The following ADAMTS3 variants were observed in gnomAD, a reference collection of about 807,000 sequenced individuals.
ADAMTS3 encodes the protein A disintegrin and metalloproteinase with thrombospondin motifs 3.
Under a neutral mutation model 129.0 loss-of-function variants are expected in ADAMTS3, and 73 were observed. That is an observed-to-expected ratio of 0.57 (90% CI 0.47 to 0.69). The LOEUF is 0.69. Among genes scored for constraint, ADAMTS3 ranks in the 30% least tolerant of loss-of-function variants. ADAMTS3 has a pLI of 0.00. For missense variants in ADAMTS3, 1,457 were observed against 1,514.5 expected, an observed-to-expected ratio of 0.96 and a Z score of 0.63; for synonymous variants, 477 against 510.8, an observed-to-expected ratio of 0.93 and a Z score of 0.89.
At chr4:72,421,351 G>C (rs1003780677) in intron 3 of ADAMTS3, among the ~76,000 whole-genome samples, 2 of 152,290 alleles carry the variant, frequency 1.3e-5, no homozygotes, top group Non-Finnish European at 2.9e-5. Context: ...CATGGGCATG[G>C]GCTTTGCCAT....
rs1393582699 is a variant in ADAMTS3, at chr4:72,281,719, C to G, written c.*1417G>C. The G allele has an allele frequency of 6.6e-6, 1 of 151,992 alleles. No individual in the cohort carries two copies. Among genetic ancestry groups the G allele is most frequent in the Non-Finnish European group, 1.5e-5 (1 of 67,998 alleles). The allele number at this position is 151,992 out of a possible 1,614,324, so 9.4% of individuals were successfully genotyped here. A position where few individuals can be genotyped will look rare whatever the true frequency, so the allele number is the denominator to read the frequency against. On this transcript the variant is annotated 3_prime_UTR_variant, in exon 22 of 22. Transcript: ENST00000286657. ...TAGTTTGCTTAAAGGTCTCTATGCA[C>G]AGAACAAAGCATGCATCTCTAATTA...
chr4:72,379,973 T>C (rs1391969146), intron 4 of ADAMTS3, among the ~76,000 whole-genome samples: 2 of 152,136 alleles, frequency 1.3e-5, no homozygotes, highest in Admixed American at 1.3e-4. Flanking sequence ...ATTCATCATA[T>C]ACATTCTGTA....
At chr4:72,484,681 C>T (rs1719531664) in intron 3 of ADAMTS3, among the ~76,000 whole-genome samples, 1 of 152,150 alleles carries the variant, frequency 6.6e-6, no homozygotes, top group South Asian at 2.1e-4. Flanking sequence ...ACTAGAAACT[C>T]CCATGGATGG....
intron 3 of ADAMTS3, among the ~76,000 whole-genome samples, chr4:72,528,606 A>G (rs550160787): frequency 1.3e-5 from 2 of 152,108 alleles, no homozygotes; most frequent in Admixed American, 6.6e-5. Context: ...AGAGGAAAAA[A>G]GAACTTATGC....
At chr4:72,373,940 ATAATAATAATAG>A (rs1217554056) in intron 4 of ADAMTS3, among the ~76,000 whole-genome samples, 6 of 98,562 alleles carry the variant, frequency 6.1e-5, no homozygotes, top group Admixed American at 1.2e-4. Flanking sequence ...AATAATAATA[ATAATAATAATAG>A]GAAAGTATCT....
chr4:72,283,762 G>T, intron 21 of ADAMTS3, 58 bp from the exon 22 acceptor site: 1 of 1,399,848 alleles, frequency 7.1e-7, no homozygotes, highest in Non-Finnish European at 9.4e-7. Flanking sequence ...AATAAAAGGA[G>T]GAAAAAAATT....
At position 72,312,309 on chromosome 4, in the gene ADAMTS3, G is replaced by A. The variant is rs745894206; in HGVS notation, c.1903C>T (p.Pro635Ser). 3 of 1,613,472 alleles carry A rather than the reference G, an allele frequency of 1.9e-6. No homozygotes were observed. The Admixed American group carries it at 5.0e-5, about 27-fold the overall frequency. The change falls in exon 13 of 22, where the codon CCA becomes TCA. Residue 635 changes from proline (P) to serine (S), a missense_variant. Transcript: ENST00000286657. Reference protein sequence around the residue: ...EYQNTKHHWLPYEHPDPKKRC... With the variant: ...EYQNTKHHWLSYEHPDPKKRC... Reference sequence around the variant, plus strand: ...TACTCACGGTCAGGATGTTCATATGGCAACCAGTGGTGTTTGGTATTCTGG... The same window carrying A: ...TACTCACGGTCAGGATGTTCATATGACAACCAGTGGTGTTTGGTATTCTGG...
At chr4:72,371,214 T>A (rs1303372870) in intron 4 of ADAMTS3, among the ~76,000 whole-genome samples, 3 of 152,162 alleles carry the variant, frequency 2.0e-5, no homozygotes, top group Non-Finnish European at 4.4e-5. Flanking sequence ...AAATTCTGTG[T>A]TTTTAGTCAC....
rs572900491 is a variant in ADAMTS3, at chr4:72,489,906, T to G, written c.504+58572A>C. Among the ~76,000 whole-genome samples the G allele has an allele frequency of 4.6e-5, 7 of 151,946 alleles. No homozygotes were observed. The South Asian group carries it at 1.5e-3, about 32-fold the overall frequency. ...CCCAAAAGTAGATCGCTGGAATATATGTAGTTTTATTTTTAATTTTTTGAG... is the reference window on the plus strand; with the variant it reads ...CCCAAAAGTAGATCGCTGGAATATAGGTAGTTTTATTTTTAATTTTTTGAG... On this transcript the variant is annotated intron_variant, in intron 3 of 21. Coordinates refer to ENST00000286657, the MANE Select transcript of ADAMTS3 (RefSeq NM_014243.3).
intron 3 of ADAMTS3, among the ~76,000 whole-genome samples, chr4:72,514,725 C>A (rs184441068): frequency 1.3e-4 from 20 of 152,128 alleles, no homozygotes; most frequent in African/African-American, 4.3e-4. Flanking sequence ...TTCTTACACA[C>A]AGACAAACCT....
chr4:72,339,259 C>T (rs998804482), intron 5 of ADAMTS3, among the ~76,000 whole-genome samples: 100 of 152,228 alleles, frequency 6.6e-4, no homozygotes, highest in Non-Finnish European at 2.1e-4. Context: ...TTATGATTCC[C>T]CCTTGACAAC....
chr4:72,343,706 T>C (rs895372510), intron 4 of ADAMTS3, among the ~76,000 whole-genome samples: 3 of 151,868 alleles, frequency 2.0e-5, no homozygotes, highest in African/African-American at 7.3e-5. Context: ...AAAAGGAAAA[T>C]CCAGGTTACA....
In ADAMTS3 at chr4:72,339,689, C is replaced by T. The variant is rs375370429; in HGVS notation, c.666G>A (p.Ser222=). Reference sequence around the variant, plus strand: ...CTAGATCATCAAGGCCTTCCAGGTCCGACTCTAATAAGAGACAAAAGGAAC... The same window carrying T: ...CTAGATCATCAAGGCCTTCCAGGTCTGACTCTAATAAGAGACAAAAGGAAC... ...DMSKDFHYRE[S]DLEGLDDLGT... is the part of the protein sequence containing the mutation. The change falls in exon 5 of 22, where the codon TCG becomes TCA. Residue 222 remains serine (S), a synonymous_variant. Coordinates refer to ENST00000286657, the MANE Select transcript of ADAMTS3 (RefSeq NM_014243.3). 26 of 1,613,498 alleles carry T rather than the reference C, an allele frequency of 1.6e-5. 2 individuals are homozygous for T. The South Asian group carries it at 1.9e-4, about 12-fold the overall frequency.
intron 4 of ADAMTS3, among the ~76,000 whole-genome samples, chr4:72,358,964 C>A (rs939472411): frequency 7.9e-5 from 12 of 151,804 alleles, no homozygotes; most frequent in South Asian, 2.1e-4. Flanking sequence ...AGGTATGAGG[C>A]CTTCCAAAAG....
intron 8 of ADAMTS3, 30 bp downstream of exon 8, chr4:72,319,828 T>A (rs1185538410): frequency 6.5e-7 from 1 of 1,529,356 alleles, no homozygotes; most frequent in Non-Finnish European, 9.1e-7. Context: ...AGATCTTTTT[T>A]TGGCTTTATA....
In ADAMTS3 at chr4:72,530,068, A is replaced by AT. The variant is rs1720953783; in HGVS notation, c.504+18409dup. ...TATATTTATATATAATATGTTATATATAACATATTATATTTATATATAATA... is the reference window on the plus strand; with the variant it reads ...TATATTTATATATAATATGTTATATATTAACATATTATATTTATATATAATA... On this transcript the variant is annotated intron_variant, in intron 3 of 21. Transcript: ENST00000286657. Among the ~76,000 whole-genome samples, 3 of 8,450 alleles carry AT rather than the reference A, an allele frequency of 3.6e-4. 1 individual carries two copies. Among genetic ancestry groups the AT allele is most frequent in the Non-Finnish European group, 5.2e-4 (3 of 5,808 alleles). 5.5% of individuals were successfully genotyped at this position (8,450 alleles called of 152,430 possible). A position where few individuals can be genotyped will look rare whatever the true frequency, so the allele number is the denominator to read the frequency against.
In ADAMTS3 at chr4:72,431,749, A is replaced by C. The variant is rs547272150; in HGVS notation, c.505-16778T>G. 3.9e-5 allele frequency among the ~76,000 whole-genome samples: 6 copies of C among 152,082 alleles called. No homozygotes were observed. In the South Asian group the frequency reaches 8.3e-4, roughly 21 times the overall value. On this transcript the variant is annotated intron_variant, in intron 3 of 21. Transcript: ENST00000286657. ...CTTTTACATAGTGATAAGTATCATG[A>C]AGAAAATAAAGCAGAGTGAAGGGAT...
chr4:72,546,862 C>T (rs777405161), intron 3 of ADAMTS3, among the ~76,000 whole-genome samples: 23 of 152,112 alleles, frequency 1.5e-4, no homozygotes, highest in Non-Finnish European at 3.2e-4. Context: ...GTGTAAAATG[C>T]CTGCCATTGT....
At chr4:72,460,676 G>A (rs983740675) in intron 3 of ADAMTS3, among the ~76,000 whole-genome samples, 2 of 151,556 alleles carry the variant, frequency 1.3e-5, no homozygotes, top group South Asian at 4.2e-4. Context: ...GGGAATACTT[G>A]TAGCTACAAT....
Sources: gnomAD v4.1 joint callset for allele counts (sites outside exome capture counted in the v4.1 genomes callset) on GRCh38, gnomAD v4.1.1 for gene constraint, MANE v1.5 for transcripts, NCBI Gene and HGNC (gene_info 2026-07-23, HGNC 2026-07-21) for gene names.